PALLD: variants seen among roughly 807,000 people sequenced by gnomAD.
The protein encoded by PALLD is palladin, cytoskeletal associated protein, also known as palladin.
Under a neutral mutation model 123.5 loss-of-function variants are expected in PALLD, and 61 were observed. The ratio of observed to expected loss-of-function variants is 0.49; its 90% confidence interval spans 0.40 to 0.61. The LOEUF (loss-of-function observed/expected upper bound fraction) is 0.61. PALLD is among the 20% of genes least tolerant of loss of function. The pLI is 0.00. For synonymous variants in PALLD, 465 were observed against 496.4 expected, an observed-to-expected ratio of 0.94 and a Z score of 0.84; for missense variants, 1,273 against 1,377.0, an observed-to-expected ratio of 0.92 and a Z score of 1.20.
intron 2 of PALLD, among the ~76,000 whole-genome samples, chr4:168,592,172 A>G (rs1277713377): frequency 6.6e-6 from 1 of 151,970 alleles, no homozygotes; most frequent in Non-Finnish European, 1.5e-5. Context: ...GCGCACCACC[A>G]CGCACCTGTA....
At chr4:168,915,165 T>C (rs1759849211) in intron 16 of PALLD, among the ~76,000 whole-genome samples, 1 of 152,238 alleles carries the variant, frequency 6.6e-6, no homozygotes, top group Non-Finnish European at 1.5e-5. Context: ...CCTAGTATGC[T>C]TCTTTCATTT....
intron 10 of PALLD, among the ~76,000 whole-genome samples, chr4:168,761,638 G>GTTGT (rs1561493617): frequency 6.7e-4 from 13 of 19,534 alleles, no homozygotes; most frequent in South Asian, 2.6e-3. Flanking sequence ...TTTTGTTGTT[G>GTTGT]TTGTTTGTTT....
chr4:168,672,463 C>CT (rs776912944), intron 3 of PALLD, among the ~76,000 whole-genome samples: 1,466 of 145,924 alleles, frequency 0.01, 16 homozygotes, highest in African/African-American at 0.031. Flanking sequence ...CTGAGATTAA[C>CT]TTTTTTTTTT....
intron 2 of PALLD, among the ~76,000 whole-genome samples, chr4:168,612,257 A>C (rs1773804872): frequency 8.8e-6 from 1 of 114,212 alleles, no homozygotes; most frequent in African/African-American, 3.6e-5. Flanking sequence ...AGGTTTACAA[A>C]AAAAAAAAAA....
intron 2 of PALLD, among the ~76,000 whole-genome samples, chr4:168,599,188 G>T (rs1772297968): frequency 6.6e-6 from 1 of 152,186 alleles, no homozygotes; most frequent in Non-Finnish European, 1.5e-5. Context: ...AATTGTGGTT[G>T]AAATGTCTTA....
chr4:168,736,782 C>T (rs1787802332), intron 10 of PALLD, among the ~76,000 whole-genome samples: 1 of 152,132 alleles, frequency 6.6e-6, no homozygotes, highest in South Asian at 2.1e-4. Context: ...CAACACTGAC[C>T]CTCAAGTTTG....
intron 10 of PALLD, chr4:168,878,176 C>T (rs1272363267): frequency 1.3e-6 from 2 of 1,486,694 alleles, no homozygotes; most frequent in Non-Finnish European, 1.8e-6. Flanking sequence ...CACCCCCGGT[C>T]TTCAGCCCCA....
intron 10 of PALLD, among the ~76,000 whole-genome samples, chr4:168,720,158 A>T (rs537231292): frequency 6.6e-6 from 1 of 152,360 alleles, no homozygotes; most frequent in African/African-American, 2.4e-5. Context: ...TATCTCTACG[A>T]TGATTTTGGC....
chr4:168,871,863 C>T (rs1751122484), intron 10 of PALLD, among the ~76,000 whole-genome samples: 1 of 152,218 alleles, frequency 6.6e-6, no homozygotes, highest in Non-Finnish European at 1.5e-5. Context: ...ACAAATCCTG[C>T]TCTTCTGGTG....
chr4:168,836,589 G>C (rs915803819), intron 10 of PALLD, among the ~76,000 whole-genome samples: 4 of 152,202 alleles, frequency 2.6e-5, no homozygotes, highest in African/African-American at 9.6e-5. Context: ...ACAAAATTGT[G>C]TGAGGTAGGC....
intron 10 of PALLD, among the ~76,000 whole-genome samples, chr4:168,724,790 G>C (rs1178321382): frequency 2.0e-5 from 3 of 152,212 alleles, no homozygotes; most frequent in Non-Finnish European, 2.9e-5. Flanking sequence ...TGTATGTGAA[G>C]GTTTCCTGGT....
At position 168,819,327 on chromosome 4, in the gene PALLD, TTGTGTGTGTGTGTGTGTGTG is replaced by T. The variant is rs3046003; in HGVS notation, c.1965-71578_1965-71559del. Among the ~76,000 whole-genome samples, 297 of 148,940 alleles carry T rather than the reference TTGTGTGTGTGTGTGTGTGTG, an allele frequency of 2.0e-3. 1 individual carries two copies. The highest frequency in any genetic ancestry group is 6.2e-3 in the Admixed American group (92 of 14,898). On this transcript the variant is annotated intron_variant, in intron 10 of 21. Transcript: ENST00000505667. ...GTAACTGCAGAGGCTCCGAGACCATTTGTGTGTGTGTGTGTGTGTGTGTGTGTGTGTGTGTGATTCCTCCG... is the reference window on the plus strand; with the variant it reads ...GTAACTGCAGAGGCTCCGAGACCATTTGTGTGTGTGTGTGTGATTCCTCCG...
intron 10 of PALLD, among the ~76,000 whole-genome samples, chr4:168,853,845 A>T: frequency 6.6e-6 from 1 of 152,138 alleles, no homozygotes; most frequent in South Asian, 2.1e-4. Context: ...AGCGTGTGGG[A>T]GAAGTGTAGG....
chr4:168,875,096 T>G lies in PALLD; in HGVS notation c.1965-15826T>G, dbSNP rs140554853. Among the ~76,000 whole-genome samples, 314 of 149,598 alleles carry G rather than the reference T, an allele frequency of 2.1e-3. 17 individuals carry two copies. Among genetic ancestry groups the G allele is most frequent in the African/African-American group, 7.1e-3 (281 of 39,482 alleles). ...CAAAATACTATGGAAATACATACTA[T>G]TTGGAAATACATAGTATTTCCAAAA... On this transcript the variant is annotated intron_variant, in intron 10 of 21. Transcript: ENST00000505667.
rs149748893 is a variant in PALLD at position 168,526,241 on chromosome 4, G to A, written c.908+13829G>A. On this transcript the variant is annotated intron_variant, in intron 2 of 21. Coordinates refer to ENST00000505667, the MANE Select transcript of PALLD (RefSeq NM_001166108.2). ...TTCAGCAGTTTCTTGACCCTTCATGGGGTCATCTTCAAGTTCTGTATTGTT... is the reference window on the plus strand; with the variant it reads ...TTCAGCAGTTTCTTGACCCTTCATGAGGTCATCTTCAAGTTCTGTATTGTT... 5.5e-3 allele frequency among the ~76,000 whole-genome samples: 838 copies of A among 152,232 alleles called. 4 individuals are homozygous for A. Among genetic ancestry groups the A allele is most frequent in the African/African-American group, 0.019 (793 of 41,536 alleles).
intron 10 of PALLD, among the ~76,000 whole-genome samples, chr4:168,731,516 A>G (rs1787169007): frequency 6.6e-6 from 1 of 152,250 alleles, no homozygotes; most frequent in African/African-American, 2.4e-5. Context: ...GTGCTAGCAC[A>G]GGGCATGCCA....
At chr4:168,645,460 C>CGGA (rs1415709515) in intron 2 of PALLD, among the ~76,000 whole-genome samples, 1 of 152,136 alleles carries the variant, frequency 6.6e-6, no homozygotes, top group Non-Finnish European at 1.5e-5. Context: ...GCGGCAATAT[C>CGGA]AAGTAGTGGT....
At chr4:168,553,910 G>A (rs1471277521) in intron 2 of PALLD, among the ~76,000 whole-genome samples, 2 of 152,152 alleles carry the variant, frequency 1.3e-5, no homozygotes, top group South Asian at 4.1e-4. Flanking sequence ...TTTATTTGCT[G>A]AATCAGGGAA....
At chr4:168,670,717 G>A in intron 3 of PALLD, among the ~76,000 whole-genome samples, 1 of 138,980 alleles carries the variant, frequency 7.2e-6, no homozygotes, top group Non-Finnish European at 1.5e-5. Flanking sequence ...TCTGGCCTGG[G>A]CGACAGAGCG....
Sources: allele counts gnomAD v4.1 joint callset (sites outside exome capture counted in the v4.1 genomes callset), GRCh38; gene constraint gnomAD v4.1.1; transcripts MANE v1.5; gene names NCBI Gene and HGNC (gene_info 2026-07-23, HGNC 2026-07-21).